LRGUK: variants seen among roughly 807,000 people sequenced by gnomAD.
The protein encoded by LRGUK is leucine-rich repeat and guanylate kinase domain-containing protein.
In LRGUK, 65 loss-of-function variants were observed where a neutral mutation model predicts 76.0. That is an observed-to-expected ratio of 0.85 (90% confidence interval 0.70 to 1.05). The LOEUF is 1.05. LRGUK is among the 50% of genes least tolerant of loss of function. LRGUK has a pLI of 0.00. For synonymous variants in LRGUK, 268 were observed against 265.6 expected (o/e 1.01, Z -0.09); for missense variants, 758 against 732.8 (o/e 1.03, Z -0.40).
chr7:134,221,999 C>A, intron 16 of LRGUK, 81 bp downstream of exon 16: 2 of 1,314,416 alleles, frequency 1.5e-6, no homozygotes, highest in Non-Finnish European at 2.0e-6. Context: ...TATTTTGAGA[C>A]TAATAAGTTT....
chr7:134,149,278 C>G (rs1226008664), intron 5 of LRGUK, among the ~76,000 whole-genome samples: 1 of 152,118 alleles, frequency 6.6e-6, no homozygotes, highest in Non-Finnish European at 1.5e-5. Context: ...CTTCTTCACA[C>G]CAGAGACTGA....
At chr7:134,182,832 G>A (rs758675016) in intron 10 of LRGUK, among the ~76,000 whole-genome samples, 5 of 152,076 alleles carry the variant, frequency 3.3e-5, no homozygotes, top group Non-Finnish European at 7.4e-5. Context: ...CGCCATCTCG[G>A]CTCACTGTAA....
chr7:134,127,641 G>A (rs1023196152), exon 1 of LRGUK: 9 of 1,613,744 alleles, frequency 5.6e-6, no homozygotes, highest in Non-Finnish European at 7.6e-6. Flanking sequence ...GGAGTCCTCA[G>A]AGTCCGAAAT....
rs377217172 is a variant in LRGUK at position 134,147,735 on chromosome 7, C to T, written c.589-503C>T. Among the ~76,000 whole-genome samples the T allele has an allele frequency of 3.3e-5, 5 of 152,090 alleles. No individual in the cohort carries two copies. The East Asian group carries it at 9.7e-4, about 30-fold the overall frequency. Reference sequence around the variant, plus strand: ...ATGGGGAAGAGGCCTTCTTACTATCCCTCAAAGTGGACAGAAAAGGATCCC... The same window carrying T: ...ATGGGGAAGAGGCCTTCTTACTATCTCTCAAAGTGGACAGAAAAGGATCCC... On this transcript the variant is annotated intron_variant, in intron 4 of 15. Coordinates refer to ENST00000645682, the Ensembl canonical transcript of LRGUK.
At chr7:134,200,605 CA>C (rs1390826559) in intron 14 of LRGUK, among the ~76,000 whole-genome samples, 1 of 152,064 alleles carries the variant, frequency 6.6e-6, no homozygotes, top group Non-Finnish European at 1.5e-5. Context: ...ACTAGATGGA[CA>C]GGGGACATTA....
At chr7:134,253,720 C>A (rs1376427992) in intron 18 of LRGUK, among the ~76,000 whole-genome samples, 1 of 152,124 alleles carries the variant, frequency 6.6e-6, no homozygotes, top group Admixed American at 6.5e-5. Flanking sequence ...GAGGCTGAGG[C>A]AGGAGAATCA....
At chr7:134,175,804 A>C (rs1028150027) in intron 8 of LRGUK, among the ~76,000 whole-genome samples, 1 of 152,184 alleles carries the variant, frequency 6.6e-6, no homozygotes, top group Non-Finnish European at 1.5e-5. Context: ...CAAAAACTCT[A>C]ATTATAATTT....
At chr7:134,128,918 A>G (rs1421136093) in intron 1 of LRGUK, among the ~76,000 whole-genome samples, 1 of 152,142 alleles carries the variant, frequency 6.6e-6, no homozygotes, top group African/African-American at 2.4e-5. Context: ...GGAAACTTAG[A>G]TTCAATAGTT....
rs1802570423 is a variant in LRGUK at position 134,256,029 on chromosome 7, G to A, written c.2199-2228G>A. 2.0e-5 allele frequency among the ~76,000 whole-genome samples: 3 copies of A among 152,208 alleles called. No homozygotes were observed. In the South Asian group the frequency reaches 6.2e-4, roughly 32 times the overall value. ...AAGCCCCCTGTCGCCTGTGTCAAAA[G>A]AGACACACATCACTTGGGTTATGGC... On this transcript the variant is annotated intron_variant, in intron 18 of 19. Transcript: ENST00000285928.
At chr7:134,208,035 A>C (rs541894079) in intron 15 of LRGUK, among the ~76,000 whole-genome samples, 2 of 152,284 alleles carry the variant, frequency 1.3e-5, no homozygotes, top group African/African-American at 2.4e-5. Context: ...TTTTGAAGGC[A>C]AGGTAGATGT....
intron 7 of LRGUK, among the ~76,000 whole-genome samples, chr7:134,172,826 C>T (rs1276591715): frequency 6.6e-6 from 1 of 151,730 alleles, no homozygotes; most frequent in Admixed American, 6.6e-5. Context: ...CAAAAAAATA[C>T]AAAAATTAGC....
intron 3 of LRGUK, among the ~76,000 whole-genome samples, chr7:134,140,150 A>G (rs538503951): frequency 7.2e-4 from 110 of 151,982 alleles, no homozygotes; most frequent in African/African-American, 2.6e-3. Flanking sequence ...TTGTATTTCT[A>G]GTAGAGATAG....
intron 15 of LRGUK, 146 bp from the exon 16 acceptor site, chr7:134,221,633 T>TTTTTA (rs1402846878): frequency 5.9e-6 from 3 of 510,436 alleles, no homozygotes; most frequent in African/African-American, 2.0e-5. Flanking sequence ...CTAAGATATA[T>TTTTTA]TTTTATTTTA....
exon 17 of LRGUK, chr7:134,247,580 C>T: frequency 6.2e-7 from 1 of 1,613,644 alleles, no homozygotes; most frequent in Non-Finnish European, 8.5e-7. Context: ...ACACAGACAG[C>T]ACGAGGCAGC....
chr7:134,191,757 A>G lies in LRGUK; in HGVS notation c.1431+6A>G, dbSNP rs753460751. ...TTGATGAAATGGTGAACATGGTAAG[A>G]ATGTTTGCCTTTGTTTTTATTGCAC... On this transcript the variant is annotated splice_donor_region_variant and intron_variant, in intron 12 of 15. Transcript: ENST00000645682. The G allele has an allele frequency of 1.3e-6, 2 of 1,574,292 alleles. No homozygotes were observed. The highest frequency in any genetic ancestry group is 2.3e-5 in the South Asian group (2 of 88,196).
At position 134,147,413 on chromosome 7, in the gene LRGUK, C is replaced by T. The variant is rs186164425; in HGVS notation, c.589-825C>T. On this transcript the variant is annotated intron_variant, in intron 4 of 15. Coordinates refer to ENST00000645682, the Ensembl canonical transcript of LRGUK. ...TCATGCCACAGCACTTCAGCCTGAGCGACAGAGCGAGACTCCACCTCAAAA... is the reference window on the plus strand; with the variant it reads ...TCATGCCACAGCACTTCAGCCTGAGTGACAGAGCGAGACTCCACCTCAAAA... Among the ~76,000 whole-genome samples, 153 of 144,544 alleles carry T rather than the reference C, an allele frequency of 1.1e-3. 1 individual carries two copies. The South Asian group carries it at 0.017, about 16-fold the overall frequency. 94.8% of individuals were successfully genotyped at this position (144,544 alleles called of 152,430 possible). A position where few individuals can be genotyped will look rare whatever the true frequency, so the allele number is the denominator to read the frequency against.
intron 5 of LRGUK, among the ~76,000 whole-genome samples, chr7:134,157,165 C>A (rs548732257): frequency 1.8e-4 from 27 of 152,262 alleles, no homozygotes; most frequent in Non-Finnish European, 2.8e-4. Flanking sequence ...AGAGTTTAAG[C>A]CTCATTGATT....
chr7:134,206,274 T>C (rs1019160275), intron 15 of LRGUK, among the ~76,000 whole-genome samples: 1 of 152,202 alleles, frequency 6.6e-6, no homozygotes, highest in African/African-American at 2.4e-5. Context: ...CCCAGCACTT[T>C]GGAAGCCCGA....
intron 8 of LRGUK, among the ~76,000 whole-genome samples, chr7:134,176,216 G>C (rs78778995): frequency 0.017 from 2,654 of 152,140 alleles, 82 homozygotes; most frequent in African/African-American, 0.056. Context: ...ACATACCCTG[G>C]GGCCTGTCAG....
Sources: allele counts gnomAD v4.1 joint callset (sites outside exome capture counted in the v4.1 genomes callset), GRCh38; gene constraint gnomAD v4.1.1; transcripts MANE v1.5; gene names NCBI Gene and HGNC (gene_info 2026-07-23, HGNC 2026-07-21).